The following NKTR variants were observed in gnomAD, a reference collection of about 807,000 sequenced individuals.
NKTR encodes the protein NK-tumor recognition protein.
A neutral mutation model predicts 156.3 loss-of-function variants in NKTR; 67 were observed. The ratio of observed to expected loss-of-function variants is 0.43; its 90% CI spans 0.35 to 0.53. The LOEUF is 0.53. Ranked by LOEUF, NKTR falls within the 20% of genes least tolerant of loss-of-function variation. NKTR has a pLI of 0.01. For missense variants in NKTR, 1,604 were observed against 1,730.9 expected, an observed-to-expected ratio of 0.93 and a Z score of 1.30; for synonymous variants, 640 against 596.6, an observed-to-expected ratio of 1.07 and a Z score of -1.06.
chr3:42,643,859 T>A, intron 15 of NKTR, 43 bp from the exon 16 acceptor site: 1 of 1,392,210 alleles, frequency 7.2e-7, no homozygotes, highest in South Asian at 1.2e-5. Flanking sequence ...CATATGAGTA[T>A]CTGAGTGGGA....
intron 2 of NKTR, among the ~76,000 whole-genome samples, chr3:42,609,663 T>C (rs1375126049): frequency 2.0e-5 from 3 of 152,230 alleles, no homozygotes; most frequent in African/African-American, 7.2e-5. Context: ...TGGGCACATT[T>C]GCAATTTTGA....
chr3:42,628,725 G>A (rs1708620554), intron 6 of NKTR: 2 of 981,732 alleles, frequency 2.0e-6, no homozygotes, highest in Non-Finnish European at 2.4e-6. Flanking sequence ...CTTTTGGCTG[G>A]GTGTGGTGGC....
At chr3:42,628,528 TG>T (rs1708599913) in intron 6 of NKTR, 6 of 985,424 alleles carry the variant, frequency 6.1e-6, no homozygotes, top group Non-Finnish European at 7.2e-6. Context: ...CAAATTGAAT[TG>T]GGCTCTTTAT....
Position 42,638,341 on chromosome 3 carries a change from T to A in NKTR, c.2637T>A (p.Asn879Lys). The change falls in exon 13 of 17, where the codon AAT becomes AAA. Residue 879 changes from asparagine to lysine, a missense_variant. Physicochemically the swap from Asn to Lys is moderately conservative, Grantham distance 94. Around this residue, in one of 6 missense-constraint regions of NKTR, gnomAD observed 1,255 missense variants for 1,243.7 expected, o/e 1.01. Coordinates refer to ENST00000232978, the MANE Select transcript of NKTR (RefSeq NM_005385.4). ...LRNGSKPKRK[N>K]YAGSKWDSES... ...ATGGCAGTAAGCCCAAAAGGAAGAA[T>A]TATGCTGGTAGTAAATGGGACTCTG... 6.2e-7 allele frequency: 1 copy of A among 1,612,294 alleles called. No homozygotes were observed. Among genetic ancestry groups the A allele is most frequent in the Non-Finnish European group, 8.5e-7 (1 of 1,179,512 alleles).
intron 5 of NKTR, 36 bp from the exon 6 acceptor site, chr3:42,621,393 A>G: frequency 6.3e-7 from 1 of 1,586,420 alleles, no homozygotes; most frequent in South Asian, 1.1e-5. Context: ...GTGACTTATA[A>G]TTGGAGACTG....
rs1387446333 is a variant in NKTR, at chr3:42,630,459, T to C, written c.375-87T>C. On this transcript the variant is annotated intron_variant, in intron 6 of 16. Coordinates refer to ENST00000232978, the MANE Select transcript of NKTR (RefSeq NM_005385.4). ...TCTTTTTATCTTTACTTCTTTGTTC[T>C]CTACATGCTGTGTTTAAACCTTTCT... 2.5e-6 allele frequency: 4 copies of C among 1,591,378 alleles called. No individual in the cohort carries two copies. In the Admixed American group the frequency reaches 7.1e-5, roughly 28 times the overall value.
intron 2 of NKTR, among the ~76,000 whole-genome samples, chr3:42,613,219 C>G (rs1393485786): frequency 6.6e-6 from 1 of 152,074 alleles, no homozygotes; most frequent in Admixed American, 6.6e-5. Flanking sequence ...TGTGTCATTC[C>G]TAGCCAAGAT....
At chr3:42,620,527 A>G (rs1283150813) in intron 5 of NKTR, 3 of 983,792 alleles carry the variant, frequency 3.0e-6, no homozygotes, top group African/African-American at 3.5e-5. Context: ...CCTTTGGGGG[A>G]AAATGGATTA....
rs1709647686 is a variant in NKTR at position 42,638,848 on chromosome 3, T to C, written c.3144T>C (p.Asn1048=). The part of the protein sequence containing the change: ...ESKEKKVSEN[N]ETIKDNILKT... ...AAGAGAAAAAAGTTTCTGAAAACAA[T>C]GAAACCATAAAAGATAATATTCTAA... Residue 1048 remains asparagine (N), a synonymous_variant, in exon 13 of 17, where the codon AAT becomes AAC. Coordinates refer to ENST00000232978, the MANE Select transcript of NKTR (RefSeq NM_005385.4). 1 of 1,603,520 alleles carries C rather than the reference T, an allele frequency of 6.2e-7. No individual in the cohort carries two copies. The highest frequency in any genetic ancestry group is 1.4e-5 in the African/African-American group (1 of 73,906).
Position 42,647,776 on chromosome 3 carries a change from A to G in NKTR, c.*1801A>G, listed in dbSNP as rs1368299671. On this transcript the variant is annotated 3_prime_UTR_variant, in exon 17 of 17. Coordinates refer to ENST00000232978, the MANE Select transcript of NKTR (RefSeq NM_005385.4). The stretch of plus-strand genomic sequence containing the variant: ...AGAAACTGCCAAATGTAATTAGGTT[A>G]AGAAAAGTTACCCTTGGGCAGTGTA... The G allele has an allele frequency of 6.6e-6, 1 of 152,200 alleles. No individual in the cohort carries two copies. The highest frequency in any genetic ancestry group is 1.5e-5 in the Non-Finnish European group (1 of 68,036). The allele number at this position is 152,200 out of a possible 1,614,324, so 9.4% of individuals were successfully genotyped here.
intron 3 of NKTR, 132 bp from the exon 4 acceptor site, chr3:42,618,888 A>G: frequency 1.4e-6 from 1 of 700,608 alleles, no homozygotes. Flanking sequence ...TTATCATGTC[A>G]TCTATTTCTT....
At position 42,643,889 on chromosome 3, in the gene NKTR, G is replaced by A. The variant is rs1320698125; in HGVS notation, c.4200-13G>A. 2 of 1,594,736 alleles carry A rather than the reference G, an allele frequency of 1.3e-6. No homozygotes were observed. Among genetic ancestry groups the A allele is most frequent in the Non-Finnish European group, 1.7e-6 (2 of 1,164,792 alleles). ...GTGGGAAAATTTAGTGTTTGTTGTT[G>A]CCGTTAAAGCAGGTCCTACACCTAC... is the stretch of plus-strand genomic sequence containing the variant. On this transcript the variant is annotated splice_polypyrimidine_tract_variant and intron_variant, in intron 15 of 16. Transcript: ENST00000232978.
chr3:42,603,432 C>T (rs574191371), intron 2 of NKTR, among the ~76,000 whole-genome samples: 68 of 151,240 alleles, frequency 4.5e-4, no homozygotes, highest in Non-Finnish European at 7.8e-4. Context: ...TTAAGTACTC[C>T]TTTCCTAGTA....
chr3:42,617,288 C>G (rs566726353), intron 2 of NKTR, among the ~76,000 whole-genome samples: 5 of 152,184 alleles, frequency 3.3e-5, no homozygotes, highest in African/African-American at 1.2e-4. Context: ...AACTATACTA[C>G]GAGGAATCTA....
chr3:42,621,284 A>C (rs1391038383), intron 5 of NKTR, 145 bp from the exon 6 acceptor site: 3 of 1,335,606 alleles, frequency 2.2e-6, no homozygotes, highest in Non-Finnish European at 2.9e-6. Flanking sequence ...TGATTAGCTT[A>C]AATTTTTCTT....
chr3:42,604,985 C>T (rs562881034), intron 2 of NKTR, among the ~76,000 whole-genome samples: 16 of 152,028 alleles, frequency 1.1e-4, no homozygotes, highest in East Asian at 5.8e-4. Context: ...CCATCATGCC[C>T]GGCCGTATTT....
At chr3:42,611,925 A>T (rs942751333) in intron 2 of NKTR, among the ~76,000 whole-genome samples, 2 of 151,790 alleles carry the variant, frequency 1.3e-5, no homozygotes, top group Non-Finnish European at 2.9e-5. Context: ...ACATAGTGAG[A>T]CCTTGTCTCA....
At chr3:42,632,923 G>A in intron 9 of NKTR, 100 bp downstream of exon 9, 2 of 1,318,330 alleles carry the variant, frequency 1.5e-6, no homozygotes, top group Non-Finnish European at 1.9e-6. Flanking sequence ...ACCTGTTATT[G>A]AAAAAGGATA....
At chr3:42,644,326 T>G (rs868524495) in intron 16 of NKTR, among the ~76,000 whole-genome samples, 10 of 152,146 alleles carry the variant, frequency 6.6e-5, no homozygotes, top group African/African-American at 1.9e-4. Flanking sequence ...ATAGAACCAC[T>G]TGCTAGCAGT....
Sources: gnomAD v4.1 joint callset for allele counts (sites outside exome capture counted in the v4.1 genomes callset) on GRCh38, gnomAD v4.1.1 for gene constraint, gnomAD v4.1.1 regional missense constraint, MANE v1.5 for transcripts, NCBI Gene and HGNC (gene_info 2026-07-23, HGNC 2026-07-21) for gene names.